Variants in TBK1 observed in about 807,000 individuals in gnomAD.
TBK1 encodes TANK binding kinase 1, also known as serine/threonine-protein kinase TBK1.
In TBK1, 37 loss-of-function variants were observed where a neutral mutation model predicts 99.9. That is an observed-to-expected ratio of 0.37 (90% confidence interval 0.28 to 0.49). TBK1 has a LOEUF of 0.49. TBK1 is among the 20% of genes least tolerant of loss of function. The pLI is 0.98. For missense variants in TBK1, 644 were observed against 872.5 expected, an observed-to-expected ratio of 0.74 and a Z score of 3.30; for synonymous variants, 258 against 279.8, an observed-to-expected ratio of 0.92 and a Z score of 0.78.
chr12:64,499,693 C>CTTTTTTT lies in TBK1; in HGVS notation c.2139-1620_2139-1614dup, dbSNP rs56725684. 5.5e-4 allele frequency among the ~76,000 whole-genome samples: 46 copies of CTTTTTTT among 82,922 alleles called. 2 individuals are homozygous for CTTTTTTT. The highest frequency in any genetic ancestry group is 1.3e-3 in the East Asian group (3 of 2,326). 54.4% of individuals were successfully genotyped at this position (82,922 alleles called of 152,430 possible). A position where few individuals can be genotyped will look rare whatever the true frequency, so the allele number is the denominator to read the frequency against. On this transcript the variant is annotated intron_variant, in intron 20 of 20. Coordinates refer to ENST00000331710, the MANE Select transcript of TBK1 (RefSeq NM_013254.4). ...AAGTAGAAGAGACTATAAAGATGTGCTTTTTTTTTTTTTTTTTTTTTTTGA... is the reference window on the plus strand; with the variant it reads ...AAGTAGAAGAGACTATAAAGATGTGCTTTTTTTTTTTTTTTTTTTTTTTTTTTTTTGA...
Position 64,474,225 on chromosome 12 carries a change from C to A in TBK1, c.541-5C>A, listed in dbSNP as rs1328953867. 1 of 1,592,004 alleles carries A rather than the reference C, an allele frequency of 6.3e-7. No homozygotes were observed. The highest frequency in any genetic ancestry group is 8.5e-7 in the Non-Finnish European group (1 of 1,171,516). On this transcript the variant is annotated splice_region_variant and splice_polypyrimidine_tract_variant and intron_variant, in intron 5 of 20. Transcript: ENST00000331710. ...ATGATTTTTTTCTTTTTTTTTTAATCTTAGCACCCTGATATGTATGAGAGA... is the reference window on the plus strand; with the variant it reads ...ATGATTTTTTTCTTTTTTTTTTAATATTAGCACCCTGATATGTATGAGAGA...
intron 13 of TBK1, 68 bp from the exon 14 acceptor site, chr12:64,495,415 T>A: frequency 1.3e-6 from 2 of 1,556,270 alleles, no homozygotes; most frequent in Non-Finnish European, 1.7e-6. Flanking sequence ...GACTTTAGAC[T>A]TTGTTGGGAC....
intron 2 of TBK1, among the ~76,000 whole-genome samples, chr12:64,456,760 T>A (rs1481082736): frequency 6.7e-6 from 1 of 150,038 alleles, no homozygotes; most frequent in African/African-American, 2.5e-5. Context: ...GAGAATGGTG[T>A]GAACCCAGGA....
Position 64,484,299 on chromosome 12 carries a change from A to C in TBK1, c.993-4A>C. The C allele has an allele frequency of 6.3e-7, 1 of 1,586,262 alleles. No homozygotes were observed. Among genetic ancestry groups the C allele is most frequent in the Non-Finnish European group, 8.6e-7 (1 of 1,164,548 alleles). ...TAGTGTCCTTTTGAATTTTTCTCAC[A>C]CAGTGCTACTATATTTCATGAACTG... On this transcript the variant is annotated splice_polypyrimidine_tract_variant and splice_region_variant and intron_variant, in intron 8 of 20. Coordinates refer to ENST00000331710, the MANE Select transcript of TBK1 (RefSeq NM_013254.4).
intron 12 of TBK1, among the ~76,000 whole-genome samples, chr12:64,489,026 A>C (rs1483133625): frequency 6.6e-6 from 1 of 152,194 alleles, no homozygotes; most frequent in Non-Finnish European, 1.5e-5. Context: ...GCCTTAGATT[A>C]GTGATTACTT....
chr12:64,487,937 T>C (rs2040834702), intron 11 of TBK1, among the ~76,000 whole-genome samples: 1 of 152,186 alleles, frequency 6.6e-6, no homozygotes, highest in Admixed American at 6.5e-5. Flanking sequence ...ATAAAAAATA[T>C]TCCAAAAGTC....
chr12:64,454,220 T>G (rs934646900), intron 1 of TBK1, among the ~76,000 whole-genome samples: 5 of 152,172 alleles, frequency 3.3e-5, no homozygotes, highest in Non-Finnish European at 4.4e-5. Flanking sequence ...AAGACAAAAT[T>G]AGAAGAGAAA....
At chr12:64,456,645 C>A (rs1005822737) in intron 2 of TBK1, among the ~76,000 whole-genome samples, 4 of 151,986 alleles carry the variant, frequency 2.6e-5, no homozygotes, top group African/African-American at 7.2e-5. Context: ...TCGAGACCAT[C>A]CTGGCTAACA....
chr12:64,501,444 A>T lies in TBK1; in HGVS notation c.*63A>T, dbSNP rs1375367573. On this transcript the variant is annotated 3_prime_UTR_variant, in exon 21 of 21. Transcript: ENST00000331710. ...CAAGAAAATAACGCTTGGGCATTAA[A>T]TGAATGCCTTTATAGATAGTCACTT... is the stretch of plus-strand genomic sequence containing the variant. The T allele has an allele frequency of 1.5e-5, 22 of 1,486,794 alleles. No individual in the cohort carries two copies. The highest frequency in any genetic ancestry group is 5.2e-5 in the Admixed American group (3 of 57,206). The allele number at this position is 1,486,794 out of a possible 1,614,324, so 92.1% of individuals were successfully genotyped here. A position where few individuals can be genotyped will look rare whatever the true frequency, so the allele number is the denominator to read the frequency against.
At chr12:64,493,302 G>C (rs940946871) in intron 13 of TBK1, among the ~76,000 whole-genome samples, 2 of 152,086 alleles carry the variant, frequency 1.3e-5, no homozygotes, top group Non-Finnish European at 2.9e-5. Context: ...TAAAAGTTTT[G>C]TCCATTGCCC....
At chr12:64,458,726 TC>T (rs2040516568) in intron 2 of TBK1, among the ~76,000 whole-genome samples, 3 of 152,160 alleles carry the variant, frequency 2.0e-5, no homozygotes, top group Admixed American at 6.5e-5. Context: ...CCCTGCTTGC[TC>T]CTCTGTTAGG....
At chr12:64,464,513 A>G in intron 4 of TBK1, 50 bp downstream of exon 4, 4 of 1,405,746 alleles carry the variant, frequency 2.8e-6, no homozygotes, top group Non-Finnish European at 3.8e-6. Context: ...ATTTAATAAC[A>G]GAATTTTTAA....
intron 6 of TBK1, 132 bp downstream of exon 6, chr12:64,474,522 G>T: frequency 1.1e-6 from 1 of 906,580 alleles, no homozygotes; most frequent in Non-Finnish European, 1.6e-6. Context: ...AAGCTACCTG[G>T]TTTTTAAAAA....
chr12:64,463,362 A>G (rs906419904), intron 3 of TBK1, among the ~76,000 whole-genome samples: 2 of 151,418 alleles, frequency 1.3e-5, no homozygotes, highest in Admixed American at 6.6e-5. Context: ...CCTGGGTGAC[A>G]AAGCGAGACT....
At chr12:64,484,105 T>C in intron 8 of TBK1, 198 bp from the exon 9 acceptor site, 1 of 435,430 alleles carries the variant, frequency 2.3e-6, no homozygotes, top group Admixed American at 3.9e-5. Context: ...AACATAAAAA[T>C]ACTTTAGAAT....
chr12:64,478,836 TAG>T (rs1348944923), intron 6 of TBK1, among the ~76,000 whole-genome samples: 3 of 152,210 alleles, frequency 2.0e-5, no homozygotes, highest in African/African-American at 7.2e-5. Context: ...TTTTTCATCA[TAG>T]ATAGTATCAG....
intron 5 of TBK1, among the ~76,000 whole-genome samples, chr12:64,468,129 A>G (rs1362419107): frequency 6.6e-6 from 1 of 152,136 alleles, no homozygotes; most frequent in Non-Finnish European, 1.5e-5. Context: ...TTGAGGCAAC[A>G]GTAAGCTATG....
intron 1 of TBK1, among the ~76,000 whole-genome samples, chr12:64,455,005 T>G (rs1592350124): frequency 1.1e-5 from 1 of 90,672 alleles, no homozygotes; most frequent in African/African-American, 4.0e-5. Flanking sequence ...TTTTTTTTTT[T>G]GCGATGGAGT....
Position 64,474,231 on chromosome 12 carries a change from A to G in TBK1, c.542A>G (p.His181Arg). The change falls in exon 6 of 21, where the codon CAC becomes CGC. Residue 181 changes from histidine to arginine, a missense_variant and splice_region_variant. Transcript: ENST00000331710. ...TTTTTCTTTTTTTTTTAATCTTAGC[A>G]CCCTGATATGTATGAGAGAGCAGTG... Reference protein sequence around the residue: ...VSLYGTEEYLHPDMYERAVLR... With the variant: ...VSLYGTEEYLRPDMYERAVLR... The G allele has an allele frequency of 6.2e-7, 1 of 1,606,676 alleles. No homozygotes were observed. The highest frequency in any genetic ancestry group is 8.5e-7 in the Non-Finnish European group (1 of 1,177,778).
Sources: allele counts gnomAD v4.1 joint callset (sites outside exome capture counted in the v4.1 genomes callset), GRCh38; gene constraint gnomAD v4.1.1; transcripts MANE v1.5; gene names NCBI Gene and HGNC (gene_info 2026-07-23, HGNC 2026-07-21).